Variants in SPATA31H1 observed in about 807,000 individuals in gnomAD.
The protein encoded by SPATA31H1 is SPATA31 subfamily H member 1.
At chr2:27,574,496 G>A in the SPATA31H1 span, 902 of 398,488 alleles carry the variant, frequency 2.3e-3, 7 homozygotes, top group African/African-American at 0.017. Context: ...TGGGTATAAA[G>A]CTTCAAGATG....
the SPATA31H1 span, chr2:27,581,668 A>T: frequency 1.9e-6 from 3 of 1,613,226 alleles, no homozygotes; most frequent in African/African-American, 1.3e-5. Flanking sequence ...AGTCCCTCTC[A>T]GAGGAGCCAT....
chr2:27,538,722 C>T, the SPATA31H1 span, among the ~76,000 whole-genome samples: 2 of 151,684 alleles, frequency 1.3e-5, no homozygotes, highest in Non-Finnish European at 2.9e-5. Context: ...TCTTAGCTAC[C>T]GGGGAGGCTG....
At chr2:27,553,400 T>TTAA in the SPATA31H1 span, among the ~76,000 whole-genome samples, 10 of 152,076 alleles carry the variant, frequency 6.6e-5, no homozygotes, top group Non-Finnish European at 1.3e-4. Flanking sequence ...TGGTGGCTGA[T>TTAA]TAAGTCCATG....
At chr2:27,549,816 A>G in the SPATA31H1 span, among the ~76,000 whole-genome samples, 1 of 151,896 alleles carries the variant, frequency 6.6e-6, no homozygotes, top group Non-Finnish European at 1.5e-5. Flanking sequence ...CTCAAAAAAT[A>G]AAAATAAATA....
At chr2:27,580,199 G>A in the SPATA31H1 span, 1 of 1,614,134 alleles carries the variant, frequency 6.2e-7, no homozygotes, top group Non-Finnish European at 8.5e-7. Flanking sequence ...AAGCTTCCAA[G>A]AGTCCTACTT....
chr2:27,554,638 A>C, the SPATA31H1 span, among the ~76,000 whole-genome samples: 1 of 152,000 alleles, frequency 6.6e-6, no homozygotes, highest in East Asian at 1.9e-4. Context: ...CAGTGGCATG[A>C]TCTCAGCTCA....
At chr2:27,581,604 C>T in the SPATA31H1 span, 1 of 1,592,856 alleles carries the variant, frequency 6.3e-7, no homozygotes, top group Non-Finnish European at 8.5e-7. Flanking sequence ...CCAGAGGAGC[C>T]ATCGCGGTCC....
At chr2:27,546,721 T>C in the SPATA31H1 span, among the ~76,000 whole-genome samples, 2 of 151,896 alleles carry the variant, frequency 1.3e-5, no homozygotes, top group Non-Finnish European at 2.9e-5. Flanking sequence ...TTTGTGGAGA[T>C]GAGGTTTTGC....
the SPATA31H1 span, chr2:27,567,430 C>A: frequency 2.2e-6 from 1 of 448,846 alleles, no homozygotes; most frequent in Non-Finnish European, 3.9e-6. Context: ...TTATCTATGC[C>A]CATTCATCAA....
chr2:27,582,476 A>G, the SPATA31H1 span: 1 of 1,613,182 alleles, frequency 6.2e-7, no homozygotes, highest in Non-Finnish European at 8.5e-7. Context: ...TCGGGACCAC[A>G]CATAAAAATC....
chr2:27,569,177 A>C, the SPATA31H1 span: 2,016 of 398,986 alleles, frequency 5.1e-3, 32 homozygotes, highest in African/African-American at 0.038. Flanking sequence ...CACAACACAC[A>C]ACAAAAGAAT....
chr2:27,579,183 C>A, the SPATA31H1 span: 1 of 1,614,132 alleles, frequency 6.2e-7, no homozygotes, highest in South Asian at 1.1e-5. Context: ...CCCGGGCAGA[C>A]AACACAATGT....
At chr2:27,579,033 A>G in the SPATA31H1 span, 2 of 1,614,220 alleles carry the variant, frequency 1.2e-6, no homozygotes, top group East Asian at 2.2e-5. Flanking sequence ...AGTGGATGTA[A>G]TATCTAAAGA....
the SPATA31H1 span, chr2:27,567,544 T>G: frequency 2.5e-6 from 1 of 403,226 alleles, no homozygotes. Context: ...GAAACAAAAC[T>G]TTCACAGTCA....
the SPATA31H1 span, chr2:27,579,709 T>C: frequency 1.2e-6 from 2 of 1,614,166 alleles, no homozygotes; most frequent in Non-Finnish European, 1.7e-6. Context: ...CTTGTTCCAA[T>C]GGAAGAAAGT....
At chr2:27,569,526 T>C in the SPATA31H1 span, 2 of 398,804 alleles carry the variant, frequency 5.0e-6, no homozygotes, top group Non-Finnish European at 8.8e-6. Context: ...ATCTCCATTA[T>C]TGATAGGATC....
At chr2:27,541,263 CGA>C in the SPATA31H1 span, among the ~76,000 whole-genome samples, 5 of 151,868 alleles carry the variant, frequency 3.3e-5, no homozygotes, top group Non-Finnish European at 7.4e-5. Flanking sequence ...GGCGTGGCGG[CGA>C]GCGCCTGCAA....
chr2:27,576,454 C>G, the SPATA31H1 span: 2 of 723,142 alleles, frequency 2.8e-6, no homozygotes, highest in Admixed American at 3.0e-5. Context: ...TCTGTGAAGT[C>G]AACTCTATGG....
chr2:27,550,079 T>G, the SPATA31H1 span, among the ~76,000 whole-genome samples: 1 of 152,058 alleles, frequency 6.6e-6, no homozygotes, highest in African/African-American at 2.4e-5. Context: ...CTATAGATGT[T>G]TTGGATATTC....
Sources: gnomAD v4.1 joint callset for allele counts (sites outside exome capture counted in the v4.1 genomes callset) on GRCh38, gnomAD v4.1.1 for gene constraint, MANE v1.5 for transcripts, NCBI Gene and HGNC (gene_info 2026-07-23, HGNC 2026-07-21) for gene names.